The following VRK3 variants were observed in gnomAD, a reference collection of about 807,000 sequenced individuals.
VRK3 encodes VRK serine/threonine kinase 3.
In VRK3, 50 loss-of-function variants were observed where a neutral mutation model predicts 60.4. The ratio of observed to expected loss-of-function variants is 0.83; its 90% CI spans 0.66 to 1.05. The LOEUF (loss-of-function observed/expected upper bound fraction) is 1.05. Ranked by LOEUF, VRK3 falls within the 50% of genes least tolerant of loss-of-function variation. The pLI is 0.00. For synonymous variants in VRK3, 246 were observed against 227.8 expected (o/e 1.08, Z -0.72); for missense variants, 549 against 585.3 (o/e 0.94, Z 0.64).
chr19:49,994,726 C>A (rs979076516), intron 9 of VRK3, 88 bp downstream of exon 9: 10 of 1,202,212 alleles, frequency 8.3e-6, no homozygotes, highest in African/African-American at 1.5e-5. Context: ...GGGTGGGGGC[C>A]GGAAGTGTCA....
chr19:49,982,239 C>T, intron 12 of VRK3: 5 of 702,658 alleles, frequency 7.1e-6, no homozygotes, highest in Non-Finnish European at 1.3e-5. Context: ...CACCGTAGCT[C>T]ATGCCTGAAC....
At chr19:49,983,357 AG>A (rs1302633591) in intron 12 of VRK3, among the ~76,000 whole-genome samples, 1 of 152,196 alleles carries the variant, frequency 6.6e-6, no homozygotes, top group African/African-American at 2.4e-5. Flanking sequence ...ATACAGCTCG[AG>A]GGCTTGGCCT....
intron 12 of VRK3, chr19:49,982,295 A>T: frequency 1.4e-6 from 1 of 692,014 alleles, no homozygotes; most frequent in Non-Finnish European, 2.6e-6. Context: ...AGGCTTTGGG[A>T]CATCAGACAG....
In VRK3 at chr19:50,003,934, C is replaced by T. The variant is rs569993662; in HGVS notation, c.548-3080G>A. On this transcript the variant is annotated intron_variant, in intron 5 of 14. Coordinates refer to ENST00000316763, the MANE Select transcript of VRK3 (RefSeq NM_016440.4). ...ATCCACTGAGCAACCGGGCACAGTG[C>T]TCACGCCTATAATCCCAACACTTTG... is the stretch of plus-strand genomic sequence containing the variant. Among the ~76,000 whole-genome samples, 91 of 152,354 alleles carry T rather than the reference C, an allele frequency of 6.0e-4. No individual in the cohort carries two copies. In the Middle Eastern group the frequency reaches 0.01, roughly 17 times the overall value.
chr19:49,981,731 G>A, intron 12 of VRK3: 1 of 1,008,284 alleles, frequency 9.9e-7, no homozygotes, highest in Non-Finnish European at 1.2e-6. Context: ...ATTACTTACA[G>A]GTCCTGGGGG....
chr19:50,017,285 A>T (rs1484956030), intron 2 of VRK3, among the ~76,000 whole-genome samples: 1 of 149,406 alleles, frequency 6.7e-6, no homozygotes, highest in African/African-American at 2.5e-5. Flanking sequence ...ATTAAAAGTG[A>T]AACTATTGGC....
At chr19:49,984,955 G>T (rs1568774838) in intron 12 of VRK3, among the ~76,000 whole-genome samples, 1 of 152,182 alleles carries the variant, frequency 6.6e-6, no homozygotes, top group Non-Finnish European at 1.5e-5. Context: ...CACAATGTGT[G>T]CTCTCTGTTG....
chr19:50,000,657 T>C, intron 6 of VRK3, 133 bp downstream of exon 6: 1 of 1,078,302 alleles, frequency 9.3e-7, no homozygotes, highest in Admixed American at 2.1e-5. Context: ...GCCCACGGTC[T>C]TAATACTCCT....
At chr19:49,979,422 G>C (rs1158420444) in intron 13 of VRK3, among the ~76,000 whole-genome samples, 180 bp from the exon 14 acceptor site, 1 of 152,076 alleles carries the variant, frequency 6.6e-6, no homozygotes, top group Non-Finnish European at 1.5e-5. Context: ...TTTCAGTTTT[G>C]GAAAATGTCA....
At chr19:50,017,366 G>A (rs1378367580) in intron 2 of VRK3, among the ~76,000 whole-genome samples, 1 of 151,878 alleles carries the variant, frequency 6.6e-6, no homozygotes, top group Non-Finnish European at 1.5e-5. Flanking sequence ...CCTGAGGTCA[G>A]GAGTCCAAGA....
At chr19:50,012,888 C>T (rs2077017842) in intron 3 of VRK3, among the ~76,000 whole-genome samples, 1 of 149,556 alleles carries the variant, frequency 6.7e-6, no homozygotes, top group Non-Finnish European at 1.5e-5. Context: ...AAAACAAAGG[C>T]CGGGCGCAGT....
At position 50,015,985 on chromosome 19, in the gene VRK3, T is replaced by A. The variant is rs1225619959; in HGVS notation, c.139+39A>T. On this transcript the variant is annotated intron_variant, in intron 3 of 14. Coordinates refer to ENST00000316763, the MANE Select transcript of VRK3 (RefSeq NM_016440.4). ...CAGACACACACGTGTATGCACCTTATTCCCACCGCAGAAACAGGCTCAATG... is the reference window on the plus strand; with the variant it reads ...CAGACACACACGTGTATGCACCTTAATCCCACCGCAGAAACAGGCTCAATG... The A allele has an allele frequency of 1.9e-6, 3 of 1,613,686 alleles. No homozygotes were observed. In the Admixed American group the frequency reaches 5.0e-5, roughly 27 times the overall value.
intron 3 of VRK3, among the ~76,000 whole-genome samples, chr19:50,010,665 C>A (rs948691297): frequency 8.5e-5 from 13 of 152,244 alleles, no homozygotes; most frequent in Non-Finnish European, 1.8e-4. Context: ...GTAATCCCAG[C>A]ACTTTGGGAG....
intron 5 of VRK3, among the ~76,000 whole-genome samples, chr19:50,006,392 T>C (rs2076892277): frequency 6.6e-6 from 1 of 151,920 alleles, no homozygotes; most frequent in African/African-American, 2.4e-5. Flanking sequence ...ATTTTTTTTT[T>C]TGAGACGGAG....
intron 3 of VRK3, among the ~76,000 whole-genome samples, chr19:50,009,842 T>C (rs184497800): frequency 6.6e-6 from 1 of 152,158 alleles, no homozygotes; most frequent in Non-Finnish European, 1.5e-5. Context: ...GGTTTCACCA[T>C]GTTGGCCAGA....
intron 1 of VRK3, among the ~76,000 whole-genome samples, chr19:50,022,439 C>T (rs2077185864): frequency 6.6e-6 from 1 of 152,210 alleles, no homozygotes; most frequent in Non-Finnish European, 1.5e-5. Flanking sequence ...AACCCAGTAG[C>T]TTGACGGATC....
chr19:49,982,151 C>A (rs1001282962), intron 12 of VRK3: 1 of 703,000 alleles, frequency 1.4e-6, no homozygotes, highest in Non-Finnish European at 2.6e-6. Flanking sequence ...TCTGGCATGA[C>A]AAAGTCCAGC....
chr19:49,987,791 C>G (rs1029140770), intron 12 of VRK3: 1 of 151,090 alleles, frequency 6.6e-6, no homozygotes, highest in African/African-American at 2.5e-5. Flanking sequence ...CAAGCTCCCA[C>G]TCCCAGGTTC....
chr19:49,996,746 A>G (rs2076711092), intron 7 of VRK3, among the ~76,000 whole-genome samples: 1 of 151,434 alleles, frequency 6.6e-6, no homozygotes, highest in African/African-American at 2.4e-5. Flanking sequence ...CCTCCCATGT[A>G]GCTGAGATTA....
Sources: allele counts gnomAD v4.1 joint callset (sites outside exome capture counted in the v4.1 genomes callset), GRCh38; gene constraint gnomAD v4.1.1; transcripts MANE v1.5; gene names NCBI Gene and HGNC (gene_info 2026-07-23, HGNC 2026-07-21).